Variants in PAG1 observed in about 807,000 individuals in gnomAD.
PAG1 encodes the protein phosphoprotein membrane anchor with glycosphingolipid microdomains 1.
PAG1 carries 23 observed loss-of-function variants against 31.7 expected under a neutral mutation model. That is an observed-to-expected ratio of 0.73 (90% CI 0.52 to 1.03). PAG1 has a LOEUF of 1.03. Ranked by LOEUF, PAG1 falls within the 50% of genes least tolerant of loss-of-function variation. The probability of loss-of-function intolerance (pLI) is 0.00; values close to 1 mark genes in which losing one functional copy is unlikely to be tolerated. For missense variants in PAG1, 473 were observed against 540.7 expected, an observed-to-expected ratio of 0.87 and a Z score of 1.24; for synonymous variants, 214 against 210.3, an observed-to-expected ratio of 1.02 and a Z score of -0.15.
At chr8:81,063,254 G>C (rs1402638701) in intron 2 of PAG1, among the ~76,000 whole-genome samples, 1 of 152,204 alleles carries the variant, frequency 6.6e-6, no homozygotes, top group Non-Finnish European at 1.5e-5. Context: ...GGCAATATTG[G>C]TACTAAGCAG....
Position 80,972,785 on chromosome 8 carries a change from A to G in PAG1, c.*3759T>C, listed in dbSNP as rs1290526668. ...CTCAAGGTTTTCCTGTAATTACCAA[A>G]TGAAACTGATTGAAAAACTGTTCCT... On this transcript the variant is annotated 3_prime_UTR_variant, in exon 9 of 9. Coordinates refer to ENST00000220597, the MANE Select transcript of PAG1 (RefSeq NM_018440.4). 6.6e-6 allele frequency: 1 copy of G among 152,188 alleles called. No individual in the cohort carries two copies. The highest frequency in any genetic ancestry group is 2.4e-5 in the African/African-American group (1 of 41,450). 9.4% of individuals were successfully genotyped at this position (152,188 alleles called of 1,614,324 possible).
rs1806995376 is a variant in PAG1, at chr8:80,967,895, A to C, written c.*8649T>G. 6.6e-6 allele frequency: 1 copy of C among 152,262 alleles called. No homozygotes were observed. The highest frequency in any genetic ancestry group is 2.1e-4 in the South Asian group (1 of 4,838). 9.4% of individuals were successfully genotyped at this position (152,262 alleles called of 1,614,324 possible). On this transcript the variant is annotated 3_prime_UTR_variant, in exon 9 of 9. Coordinates refer to ENST00000220597, the MANE Select transcript of PAG1 (RefSeq NM_018440.4). ...TTTAATTACAACATACCTGCTATTTACATGTAATCATACTTTTATATATAG... is the reference window on the plus strand; with the variant it reads ...TTTAATTACAACATACCTGCTATTTCCATGTAATCATACTTTTATATATAG...
intron 5 of PAG1, among the ~76,000 whole-genome samples, chr8:80,988,276 G>A (rs1271624977): frequency 2.0e-5 from 3 of 152,178 alleles, no homozygotes. Context: ...GTAAAGGTGT[G>A]CCATGCTATG....
chr8:81,090,884 T>G (rs908206566), intron 1 of PAG1, among the ~76,000 whole-genome samples: 2 of 152,158 alleles, frequency 1.3e-5, no homozygotes, highest in Non-Finnish European at 2.9e-5. Context: ...GAGACAATGT[T>G]CAGAAAAATC....
chr8:81,100,713 A>G (rs1167652804), intron 1 of PAG1, among the ~76,000 whole-genome samples: 1 of 152,252 alleles, frequency 6.6e-6, no homozygotes, highest in Admixed American at 6.5e-5. Flanking sequence ...GAAAAAGCAT[A>G]CGACTAGCAA....
At chr8:81,110,987 T>A (rs1281874972) in intron 1 of PAG1, among the ~76,000 whole-genome samples, 33 of 152,224 alleles carry the variant, frequency 2.2e-4, no homozygotes, top group Admixed American at 2.2e-3. Flanking sequence ...ATTATCTGAA[T>A]CCTATTTCTT....
At chr8:81,057,374 G>A (rs948631353) in intron 2 of PAG1, among the ~76,000 whole-genome samples, 1 of 152,008 alleles carries the variant, frequency 6.6e-6, no homozygotes, top group Non-Finnish European at 1.5e-5. Context: ...TATACACCAC[G>A]GAATACTATG....
chr8:81,016,196 G>A (rs975410057), intron 3 of PAG1, among the ~76,000 whole-genome samples: 3 of 152,206 alleles, frequency 2.0e-5, no homozygotes, highest in East Asian at 3.8e-4. Flanking sequence ...TGTAGAATGA[G>A]CTGCTGAGTA....
intron 3 of PAG1, among the ~76,000 whole-genome samples, chr8:80,998,462 T>TAATTCTGTTCTCAGCCCTATGCAGCAC (rs1807725802): frequency 6.6e-6 from 1 of 152,122 alleles, no homozygotes; most frequent in Non-Finnish European, 1.5e-5. Context: ...GGTGGCAGCA[T>TAATTCTGTTCTCAGCCCTATGCAGCAC]AATTCTGTTC....
intron 1 of PAG1, among the ~76,000 whole-genome samples, chr8:81,071,551 T>C (rs571531224): frequency 1.4e-4 from 21 of 152,286 alleles, no homozygotes; most frequent in African/African-American, 4.3e-4. Flanking sequence ...AACAATTGCA[T>C]TGGGAACAAG....
At chr8:81,047,494 G>C (rs988976746) in intron 2 of PAG1, among the ~76,000 whole-genome samples, 2 of 152,064 alleles carry the variant, frequency 1.3e-5, no homozygotes, top group Admixed American at 1.3e-4. Context: ...GTCTTCTTTT[G>C]AGAAAAGTCT....
chr8:80,987,298 T>C (rs1482272410), intron 6 of PAG1, 72 bp downstream of exon 6: 10 of 934,242 alleles, frequency 1.1e-5, no homozygotes, highest in East Asian at 2.4e-5. Flanking sequence ...TTTTGAGCTA[T>C]GTATTTTGAA....
chr8:81,090,360 G>A (rs1809425683), intron 1 of PAG1, among the ~76,000 whole-genome samples: 1 of 152,162 alleles, frequency 6.6e-6, no homozygotes, highest in Non-Finnish European at 1.5e-5. Flanking sequence ...AAAACCCTAT[G>A]AGACATTCTG....
chr8:80,996,251 A>G (rs778783860), intron 3 of PAG1, among the ~76,000 whole-genome samples: 2 of 151,560 alleles, frequency 1.3e-5, no homozygotes, highest in Non-Finnish European at 2.9e-5. Flanking sequence ...ACTGCCACCT[A>G]CTCTTCTTTA....
intron 3 of PAG1, among the ~76,000 whole-genome samples, chr8:80,995,315 ATGTT>A (rs1807649780): frequency 6.6e-6 from 1 of 152,244 alleles, no homozygotes; most frequent in South Asian, 2.1e-4. Context: ...CTTTCTTCCT[ATGTT>A]TGATTGTATG....
At chr8:81,090,354 C>T (rs1809425497) in intron 1 of PAG1, among the ~76,000 whole-genome samples, 1 of 152,156 alleles carries the variant, frequency 6.6e-6, no homozygotes, top group Admixed American at 6.5e-5. Flanking sequence ...TCTCACAAAA[C>T]CCTATGAGAC....
intron 2 of PAG1, among the ~76,000 whole-genome samples, chr8:81,068,624 T>C (rs916101385): frequency 6.6e-6 from 1 of 152,240 alleles, no homozygotes; most frequent in Non-Finnish European, 1.5e-5. Flanking sequence ...GTCAGAGATA[T>C]ATTCATTTAA....
At chr8:81,026,735 A>G (rs1385561108) in intron 3 of PAG1, among the ~76,000 whole-genome samples, 1 of 152,156 alleles carries the variant, frequency 6.6e-6, no homozygotes, top group Non-Finnish European at 1.5e-5. Context: ...ATTACCCTGC[A>G]CACGAAGGTG....
chr8:81,085,699 T>C (rs575952520), intron 1 of PAG1, among the ~76,000 whole-genome samples: 17 of 152,214 alleles, frequency 1.1e-4, no homozygotes, highest in Admixed American at 2.6e-4. Context: ...CTTACACAGC[T>C]GAGGTATAGC....
Sources: gnomAD v4.1 joint callset for allele counts (sites outside exome capture counted in the v4.1 genomes callset) on GRCh38, gnomAD v4.1.1 for gene constraint, MANE v1.5 for transcripts, NCBI Gene and HGNC (gene_info 2026-07-23, HGNC 2026-07-21) for gene names.